Variants in AGK observed in about 807,000 individuals in gnomAD.
AGK encodes the protein acylglycerol kinase, mitochondrial.
AGK carries 52 observed loss-of-function variants against 66.4 expected under a neutral mutation model. The observed-to-expected ratio is 0.78, with a 90% CI of 0.63 to 0.99. The LOEUF (loss-of-function observed/expected upper bound fraction) is 0.99. AGK is among the 50% of genes least tolerant of loss of function. AGK has a pLI of 0.00. For synonymous variants in AGK, 182 were observed against 181.1 expected (o/e 1.00, Z -0.04); for missense variants, 451 against 506.6 (o/e 0.89, Z 1.05).
intron 2 of AGK, among the ~76,000 whole-genome samples, chr7:141,587,579 T>G (rs535797869): frequency 6.6e-6 from 1 of 152,376 alleles, no homozygotes; most frequent in South Asian, 2.1e-4. Flanking sequence ...GTTCTAGCAC[T>G]TGTACGCTTT....
intron 9 of AGK, among the ~76,000 whole-genome samples, chr7:141,630,486 A>T (rs757954661): frequency 2.1e-4 from 32 of 152,320 alleles, no homozygotes; most frequent in African/African-American, 6.3e-4. Flanking sequence ...ATCATCCCAC[A>T]TGTCAATTAC....
At chr7:141,612,627 G>A (rs1478857244) in intron 6 of AGK, among the ~76,000 whole-genome samples, 15 of 152,138 alleles carry the variant, frequency 9.9e-5, no homozygotes, top group Admixed American at 6.5e-4. Context: ...GAAGGTTCAC[G>A]TATAGGGGGC....
chr7:141,625,443 G>C (rs145252966), intron 9 of AGK, among the ~76,000 whole-genome samples: 2 of 152,010 alleles, frequency 1.3e-5, no homozygotes, highest in East Asian at 3.9e-4. Flanking sequence ...TCAAACTCCT[G>C]GGCTCAAGGG....
At chr7:141,652,726 C>A (rs1406367334) in intron 15 of AGK, 61 bp from the exon 16 acceptor site, 29 of 1,562,370 alleles carry the variant, frequency 1.9e-5, no homozygotes. Flanking sequence ...TGCTGTGAGA[C>A]CTCCAACTCC....
intron 2 of AGK, among the ~76,000 whole-genome samples, chr7:141,577,815 C>T (rs1007929842): frequency 2.7e-5 from 4 of 147,984 alleles, no homozygotes; most frequent in African/African-American, 1.0e-4. Flanking sequence ...CAACATAAAT[C>T]TTCTTTTTTT....
intron 2 of AGK, among the ~76,000 whole-genome samples, chr7:141,575,023 G>A (rs916030048): frequency 6.6e-6 from 1 of 152,222 alleles, no homozygotes; most frequent in African/African-American, 2.4e-5. Flanking sequence ...ATGAATTCAA[G>A]TGGGGTTAGG....
At chr7:141,553,242 T>C (rs1026164822) in intron 1 of AGK, among the ~76,000 whole-genome samples, 1 of 152,212 alleles carries the variant, frequency 6.6e-6, no homozygotes, top group African/African-American at 2.4e-5. Context: ...GCCACTCTTA[T>C]GACCCAATTA....
At chr7:141,579,064 G>A (rs994899252) in intron 2 of AGK, among the ~76,000 whole-genome samples, 21 of 152,066 alleles carry the variant, frequency 1.4e-4, no homozygotes, top group Admixed American at 4.6e-4. Flanking sequence ...GGGATGACAA[G>A]TTTTTGGGGC....
intron 6 of AGK, among the ~76,000 whole-genome samples, chr7:141,611,973 A>G (rs1204802512): frequency 1.3e-5 from 2 of 152,210 alleles, no homozygotes; most frequent in African/African-American, 2.4e-5. Context: ...CAATCCAGCA[A>G]TCATGCTCCT....
In AGK at chr7:141,641,385, A is replaced by G. The variant is rs764311503; in HGVS notation, c.864A>G (p.Ala288=). ...RILRRLASYW[A]QPQDALSQEV... ...TACGAAGGCTTGCGTCCTACTGGGC[A>G]CAACCACAGGATGGTGAGCAATGTG... is the stretch of plus-strand genomic sequence containing the variant. The change falls in exon 12 of 16, where the codon GCA becomes GCG. Residue 288 remains alanine (A), a synonymous_variant. Coordinates refer to ENST00000649286, the MANE Select transcript of AGK (RefSeq NM_018238.4). 6.2e-7 allele frequency: 1 copy of G among 1,612,398 alleles called. No individual in the cohort carries two copies. Among genetic ancestry groups the G allele is most frequent in the Non-Finnish European group, 8.5e-7 (1 of 1,179,430 alleles).
chr7:141,617,492 A>G (rs1337803518), intron 8 of AGK, among the ~76,000 whole-genome samples: 1 of 152,236 alleles, frequency 6.6e-6, no homozygotes, highest in Non-Finnish European at 1.5e-5. Flanking sequence ...GCAGAAGCCT[A>G]AGGCTATTTA....
Position 141,643,716 on chromosome 7 carries a change from A to C in AGK, c.975+1808A>C, listed in dbSNP as rs2117017676. Reference sequence around the variant, plus strand: ...CTACATGTGAGGCACCTGTCCTAAGAATTTTACATAATATTATGTAATCCT... The same window carrying C: ...CTACATGTGAGGCACCTGTCCTAAGCATTTTACATAATATTATGTAATCCT... On this transcript the variant is annotated intron_variant, in intron 13 of 15. Coordinates refer to ENST00000649286, the MANE Select transcript of AGK (RefSeq NM_018238.4). Among the ~76,000 whole-genome samples the C allele has an allele frequency of 1.3e-5, 2 of 152,286 alleles. 1 individual carries two copies. Among genetic ancestry groups the C allele is most frequent in the African/African-American group, 4.8e-5 (2 of 41,580 alleles).
intron 8 of AGK, chr7:141,615,773 G>T: frequency 1.8e-6 from 1 of 552,954 alleles, no homozygotes; most frequent in Non-Finnish European, 3.2e-6. Context: ...TCCAGGTCAG[G>T]TAGGGAGGTG....
chr7:141,649,131 A>C, intron 13 of AGK, 132 bp from the exon 14 acceptor site: 2 of 450,952 alleles, frequency 4.4e-6, no homozygotes, highest in Non-Finnish European at 7.9e-6. Flanking sequence ...TAGGTTTGGA[A>C]TTAAATCACT....
intron 6 of AGK, among the ~76,000 whole-genome samples, chr7:141,612,673 A>G (rs1379842511): frequency 2.0e-5 from 3 of 152,172 alleles, no homozygotes; most frequent in Admixed American, 1.3e-4. Flanking sequence ...ATTCCTCTCA[A>G]TTTTGCTGTG....
chr7:141,580,278 G>T (rs35755078), intron 2 of AGK, among the ~76,000 whole-genome samples: 15 of 150,590 alleles, frequency 1.0e-4, no homozygotes, highest in African/African-American at 1.5e-4. Flanking sequence ...GGGGCAGAGT[G>T]GTAGCTTCAA....
chr7:141,621,849 C>T (rs1449656686), intron 9 of AGK, 48 bp downstream of exon 9: 1 of 1,355,030 alleles, frequency 7.4e-7, no homozygotes, highest in Non-Finnish European at 1.1e-6. Flanking sequence ...GTAATACTCG[C>T]TTACATGTTA....
At chr7:141,643,683 ATTAT>A (rs1295424306) in intron 13 of AGK, among the ~76,000 whole-genome samples, 2 of 152,142 alleles carry the variant, frequency 1.3e-5, no homozygotes, top group Non-Finnish European at 2.9e-5. Context: ...ATATTTGCTG[ATTAT>A]TTACTACATG....
chr7:141,583,032 C>T (rs780247593), intron 2 of AGK, among the ~76,000 whole-genome samples: 29 of 151,690 alleles, frequency 1.9e-4, no homozygotes, highest in Non-Finnish European at 1.0e-4. Context: ...AGGAAGGGAC[C>T]GATGTGTAAA....
Sources: gnomAD v4.1 joint callset for allele counts (sites outside exome capture counted in the v4.1 genomes callset) on GRCh38, gnomAD v4.1.1 for gene constraint, MANE v1.5 for transcripts, NCBI Gene and HGNC (gene_info 2026-07-23, HGNC 2026-07-21) for gene names.